The following ZFAND2A variants were observed in gnomAD, a reference collection of about 807,000 sequenced individuals.
ZFAND2A encodes zinc finger AN1-type containing 2A.
A neutral mutation model predicts 11.6 loss-of-function variants in ZFAND2A; 20 were observed. The observed-to-expected ratio is 1.72, with a 90% CI of 1.21 to 2.50. The LOEUF is 2.50. ZFAND2A is among the 30% of genes most tolerant of loss of function. The pLI is 0.00. For missense variants in ZFAND2A, 234 were observed against 182.9 expected, an observed-to-expected ratio of 1.28 and a Z score of -1.61; for synonymous variants, 93 against 60.6, an observed-to-expected ratio of 1.54 and a Z score of -2.48.
chr7:1,149,074 G>A (rs1045018929), downstream of ZFAND2A, among the ~76,000 whole-genome samples: 6 of 151,972 alleles, frequency 3.9e-5, no homozygotes, highest in Non-Finnish European at 8.8e-5. Context: ...CTGCGATTAC[G>A]GGCATAAGCC....
In ZFAND2A at chr7:1,153,011, G is replaced by T. The variant is rs1418478514; in HGVS notation, c.*58C>A. 1 of 1,606,252 alleles carries T rather than the reference G, an allele frequency of 6.2e-7. No individual in the cohort carries two copies. The highest frequency in any genetic ancestry group is 2.2e-5 in the East Asian group (1 of 44,632). On this transcript the variant is annotated 3_prime_UTR_variant, in exon 5 of 5. Transcript: ENST00000316495. ...ATGGGGCTCCACTTCCCACTAGAGT[G>T]TAAGCTGCTTCCACGCATGCTACTG...
At chr7:1,149,856 T>G (rs1289183979), downstream of ZFAND2A, among the ~76,000 whole-genome samples, 2 of 140,336 alleles carry the variant, frequency 1.4e-5, no homozygotes, top group East Asian at 2.8e-4. Flanking sequence ...TTCTTAAGTT[T>G]TTTTTTTTTT....
chr7:1,155,066 C>T (rs532608348), intron 4 of ZFAND2A, among the ~76,000 whole-genome samples: 4 of 152,188 alleles, frequency 2.6e-5, no homozygotes, highest in Admixed American at 6.5e-5. Context: ...TGCAATGAGC[C>T]GAGACGGCAC....
chr7:1,153,137 T>C lies in ZFAND2A; in HGVS notation c.370A>G (p.Ile124Val), dbSNP rs1443486965. Reference protein sequence around the residue: ...VCAQCHGNFCIQHRHPLDHSC... With the variant: ...VCAQCHGNFCVQHRHPLDHSC... ...TGGTCCAAAGGGTGTCTGTGCTGGA[T>C]ACAGAAGTTGCCGTGACATTGGGCA... The change falls in exon 5 of 5, where the codon ATC becomes GTC. Residue 124 changes from isoleucine (I) to valine (V), a missense_variant. Ile to Val is a conservative substitution (Grantham distance 29, BLOSUM62 3). Coordinates refer to ENST00000316495, the MANE Select transcript of ZFAND2A (RefSeq NM_182491.4). 1 of 1,614,128 alleles carries C rather than the reference T, an allele frequency of 6.2e-7. No individual in the cohort carries two copies. The highest frequency in any genetic ancestry group is 8.5e-7 in the Non-Finnish European group (1 of 1,180,056).
chr7:1,158,859 C>T (rs1793599768), intron 1 of ZFAND2A, among the ~76,000 whole-genome samples: 3 of 152,104 alleles, frequency 2.0e-5, no homozygotes, highest in African/African-American at 7.2e-5. Flanking sequence ...GAGGTCCCCT[C>T]CATGATCTAG....
At chr7:1,151,740 T>C (rs1044954030), downstream of ZFAND2A, among the ~76,000 whole-genome samples, 22 of 97,640 alleles carry the variant, frequency 2.3e-4, no homozygotes, top group East Asian at 4.7e-4. Context: ...GCCTGGGCAA[T>C]AGAGCAAGAC....
At chr7:1,157,135 G>C (rs1283143640) in intron 3 of ZFAND2A, 2 of 152,242 alleles carry the variant, frequency 1.3e-5, no homozygotes, top group African/African-American at 2.4e-5. Flanking sequence ...CAAACCTCTG[G>C]ACTCGGGGCA....
Position 1,158,343 on chromosome 7 carries a change from T to G in ZFAND2A, c.-45-86A>C, listed in dbSNP as rs998235063. ...ACAATGTAATTACAGCTAATGAAAG[T>G]CAACAAACGCACTGTGTGGGGAGCA... On this transcript the variant is annotated intron_variant, in intron 1 of 4. Transcript: ENST00000316495. 7.2e-6 allele frequency: 6 copies of G among 829,856 alleles called. No individual in the cohort carries two copies. The Admixed American group carries it at 1.0e-4, about 14-fold the overall frequency. The allele number at this position is 829,856 out of a possible 1,614,324, so 51.4% of individuals were successfully genotyped here.
At chr7:1,150,304 T>C (rs1793375105), downstream of ZFAND2A, among the ~76,000 whole-genome samples, 1 of 152,066 alleles carries the variant, frequency 6.6e-6, no homozygotes. Context: ...TCCCGTTACA[T>C]TTTTAGATGG....
At chr7:1,152,834 G>C (rs983096646), downstream of ZFAND2A, 9 of 670,712 alleles carry the variant, frequency 1.3e-5, no homozygotes, top group Non-Finnish European at 1.8e-5. Flanking sequence ...TGAAAGAACC[G>C]ATTTCTATGG....
rs775811137 is a variant in ZFAND2A at position 1,157,743 on chromosome 7, A to G, written c.63T>C (p.Leu21=). The part of the protein sequence containing the change: ...SEKTCKQLDF[L]PVKCDACKQD... ...GTTTACATGCATCACATTTTACTGG[A>G]AGAAAATCTAAAAAACAAAAAACAG... Residue 21 remains leucine, a synonymous_variant, in exon 3 of 5, where the codon CTT becomes CTC. Coordinates refer to ENST00000316495, the MANE Select transcript of ZFAND2A (RefSeq NM_182491.4). The G allele has an allele frequency of 6.4e-7, 1 of 1,551,518 alleles. No individual in the cohort carries two copies. Among genetic ancestry groups the G allele is most frequent in the South Asian group, 1.2e-5 (1 of 82,400 alleles).
intron 3 of ZFAND2A, 127 bp downstream of exon 3, chr7:1,157,529 G>A (rs1001466414): frequency 2.0e-6 from 2 of 989,254 alleles, no homozygotes; most frequent in Non-Finnish European, 3.0e-6. Context: ...TAGTGGGACT[G>A]AAAAACTGGA....
chr7:1,155,057 G>T (rs563626192), intron 4 of ZFAND2A, among the ~76,000 whole-genome samples: 16 of 152,332 alleles, frequency 1.1e-4, no homozygotes, highest in African/African-American at 3.4e-4. Flanking sequence ...GGCAGAGGTT[G>T]CAATGAGCCG....
Position 1,153,571 on chromosome 7 carries a change from A to G in ZFAND2A, c.283-347T>C, listed in dbSNP as rs1448230746. ...TTCTTTAACAGCCTCCGGTAAGAACATTCCCATTTAAACTGGACACAGTTC... is the reference window on the plus strand; with the variant it reads ...TTCTTTAACAGCCTCCGGTAAGAACGTTCCCATTTAAACTGGACACAGTTC... On this transcript the variant is annotated intron_variant, in intron 4 of 4. Transcript: ENST00000316495. 1.2e-4 allele frequency among the ~76,000 whole-genome samples: 19 copies of G among 152,342 alleles called. No homozygotes were observed. The East Asian group carries it at 3.7e-3, about 29-fold the overall frequency.
chr7:1,152,833 C>T (rs951969801), downstream of ZFAND2A: 3 of 665,700 alleles, frequency 4.5e-6, no homozygotes, highest in Non-Finnish European at 8.0e-6. Context: ...GTGAAAGAAC[C>T]GATTTCTATG....
chr7:1,154,028 C>T (rs913577682), intron 4 of ZFAND2A, among the ~76,000 whole-genome samples: 5 of 151,910 alleles, frequency 3.3e-5, no homozygotes, highest in African/African-American at 9.7e-5. Context: ...GGGAGGACAA[C>T]AGAGAGAGGC....
At chr7:1,159,358 C>A (rs879872918) in intron 1 of ZFAND2A, among the ~76,000 whole-genome samples, 4 of 152,252 alleles carry the variant, frequency 2.6e-5, no homozygotes, top group Non-Finnish European at 4.4e-5. Context: ...AGAAAACACA[C>A]ATCTACGTGG....
chr7:1,155,334 CTCT>C lies in ZFAND2A; in HGVS notation c.282+116_282+118del, dbSNP rs1584026840. 8.4e-6 allele frequency: 12 copies of C among 1,432,680 alleles called. No individual in the cohort carries two copies. The East Asian group carries it at 2.9e-4, about 35-fold the overall frequency. 88.7% of individuals were successfully genotyped at this position (1,432,680 alleles called of 1,614,324 possible). ...GGACAGGGATAACGCAGCGTTAGGA[CTCT>C]TCTTTTCTACTTTGTACATAAACTA... On this transcript the variant is annotated intron_variant, in intron 4 of 4. Transcript: ENST00000316495.
intron 1 of ZFAND2A, among the ~76,000 whole-genome samples, chr7:1,159,136 T>C (rs1016880466): frequency 3.3e-5 from 5 of 152,130 alleles, no homozygotes; most frequent in African/African-American, 1.2e-4. Flanking sequence ...CCATTAGTCC[T>C]TTCCCAGCCC....
Sources: gnomAD v4.1 joint callset for allele counts (sites outside exome capture counted in the v4.1 genomes callset) on GRCh38, gnomAD v4.1.1 for gene constraint, MANE v1.5 for transcripts, NCBI Gene and HGNC (gene_info 2026-07-23, HGNC 2026-07-21) for gene names.